Variants in ERCC6 observed in about 807,000 individuals in gnomAD.
ERCC6 encodes ERCC excision repair 6, chromatin remodeling factor, also known as DNA excision repair protein ERCC-6.
Under a neutral mutation model 158.7 loss-of-function variants are expected in ERCC6, and 116 were observed. The observed-to-expected ratio is 0.73, with a 90% CI of 0.63 to 0.85. The LOEUF is 0.85. ERCC6 is among the 40% of genes least tolerant of loss of function. ERCC6 has a pLI of 0.00. For synonymous variants in ERCC6, 678 were observed against 659.3 expected, an observed-to-expected ratio of 1.03 and a Z score of -0.43; for missense variants, 1,698 against 1,799.4, an observed-to-expected ratio of 0.94 and a Z score of 1.02.
At chr10:49,529,606 G>A (rs981441806) in intron 3 of ERCC6, among the ~76,000 whole-genome samples, 10 of 152,220 alleles carry the variant, frequency 6.6e-5, no homozygotes, top group Admixed American at 2.0e-4. Flanking sequence ...AGTGAGAGAA[G>A]ATGGGGTAGT....
At position 49,524,221 on chromosome 10, in the gene ERCC6, C is replaced by G. The variant is rs1385055988; in HGVS notation, c.1209G>C (p.Glu403Asp). ...TCCCGCCCTTGGGCAGAGGCTTCAG[C>G]TCATAGTCAGTACCATCTCCAGACA... ...ADLSGDGTDY[E>D]LKPLPKGGKR... Residue 403 changes from glutamate to aspartate, a missense_variant, in exon 5 of 21, where the codon GAG (glutamate) becomes GAC (aspartate). Glu to Asp is a conservative substitution (Grantham distance 45, BLOSUM62 2). Coordinates refer to ENST00000355832, the MANE Select transcript of ERCC6 (RefSeq NM_000124.4). 6.2e-7 allele frequency: 1 copy of G among 1,614,038 alleles called. No individual in the cohort carries two copies. Among genetic ancestry groups the G allele is most frequent in the Non-Finnish European group, 8.5e-7 (1 of 1,180,034 alleles).
rs188165138 is a variant in ERCC6 at position 49,492,524 on chromosome 10, C to T, written c.1821+593G>A. On this transcript the variant is annotated intron_variant, in intron 8 of 20. Transcript: ENST00000355832. ...AGATGAGAAGAAAAAAGGAAGAATA[C>T]AACGTATCTATGCTACCCACAGGAG... Among the ~76,000 whole-genome samples the T allele has an allele frequency of 9.8e-5, 15 of 152,302 alleles. No individual in the cohort carries two copies. In the East Asian group the frequency reaches 2.9e-3, roughly 29 times the overall value.
chr10:49,516,118 G>A (rs763706028), intron 5 of ERCC6: 1 of 1,614,082 alleles, frequency 6.2e-7, no homozygotes, highest in Non-Finnish European at 8.5e-7. Context: ...CTAAACTGAA[G>A]GACAAGTGAC....
chr10:49,478,290 C>T (rs1477043040), intron 11 of ERCC6, 64 bp downstream of exon 11: 1 of 1,101,256 alleles, frequency 9.1e-7, no homozygotes, highest in African/African-American at 1.5e-5. Flanking sequence ...AGAGGAGAAT[C>T]AGAGTGAAGG....
the ERCC6 span, among the ~76,000 whole-genome samples, chr10:49,435,650 G>A: frequency 2.0e-4 from 30 of 152,270 alleles, no homozygotes; most frequent in East Asian, 3.7e-3. Context: ...AATATAGGAT[G>A]AACCTAAAGC....
At chr10:49,514,081 C>G (rs1836882121) in intron 5 of ERCC6, among the ~76,000 whole-genome samples, 1 of 152,242 alleles carries the variant, frequency 6.6e-6, no homozygotes, top group Admixed American at 6.5e-5. Flanking sequence ...AGAACGAAAG[C>G]AATTGCACAA....
intron 6 of ERCC6, chr10:49,504,269 T>C (rs939954993): frequency 6.6e-6 from 1 of 152,106 alleles, no homozygotes; most frequent in Non-Finnish European, 1.5e-5. Context: ...TTTTATGACA[T>C]AAAATATTTA....
intron 11 of ERCC6, among the ~76,000 whole-genome samples, chr10:49,477,936 C>T (rs1850907510): frequency 6.6e-6 from 1 of 152,208 alleles, no homozygotes; most frequent in Non-Finnish European, 1.5e-5. Context: ...TGTCTCCACA[C>T]TTAATGCTGC....
At chr10:49,451,402 A>T (rs1029656055), downstream of ERCC6, among the ~76,000 whole-genome samples, 2 of 152,176 alleles carry the variant, frequency 1.3e-5, no homozygotes, top group Admixed American at 1.3e-4. Flanking sequence ...TTAAGTATAA[A>T]GAAAGCTGTA....
intron 7 of ERCC6, among the ~76,000 whole-genome samples, chr10:49,497,943 G>A (rs894506186): frequency 6.6e-6 from 1 of 151,982 alleles, no homozygotes; most frequent in African/African-American, 2.4e-5. Flanking sequence ...ATAACATTAG[G>A]AATTACCAAA....
intron 7 of ERCC6, among the ~76,000 whole-genome samples, chr10:49,499,332 C>A (rs554281513): frequency 6.6e-6 from 1 of 152,326 alleles, no homozygotes; most frequent in African/African-American, 2.4e-5. Flanking sequence ...AAGTATTGAT[C>A]TGCTAACTTA....
At chr10:49,459,263 T>C in intron 20 of ERCC6, 29 bp from the exon 21 acceptor site, 1 of 1,610,274 alleles carries the variant, frequency 6.2e-7, no homozygotes, top group Non-Finnish European at 8.5e-7. Flanking sequence ...TATACTGATA[T>C]ATTTAATTTC....
the ERCC6 span, among the ~76,000 whole-genome samples, chr10:49,439,210 G>A: frequency 6.6e-5 from 10 of 152,308 alleles, no homozygotes; most frequent in South Asian, 6.2e-4. Flanking sequence ...TGAGTGCCCC[G>A]CCCCTGCAGC....
Position 49,499,286 on chromosome 10 carries a change from T to C in ERCC6, c.1685+1252A>G, listed in dbSNP as rs1035966130. Among the ~76,000 whole-genome samples, 16 of 152,204 alleles carry C rather than the reference T, an allele frequency of 1.1e-4. 1 individual carries two copies. On this transcript the variant is annotated intron_variant, in intron 7 of 20. Coordinates refer to ENST00000355832, the MANE Select transcript of ERCC6 (RefSeq NM_000124.4). ...ACATCTATATAAATGCAACTGGCGT[T>C]CTAAAATATTCTAAAACTCCAAACA...
chr10:49,450,816 ATTTTT>A (rs57063540), downstream of ERCC6, among the ~76,000 whole-genome samples: 12 of 146,592 alleles, frequency 8.2e-5, no homozygotes, highest in South Asian at 4.3e-4. Flanking sequence ...TAGAAATACG[ATTTTT>A]TTTTTTTTGA....
chr10:49,444,564 C>T, the ERCC6 span, among the ~76,000 whole-genome samples: 2 of 152,244 alleles, frequency 1.3e-5, no homozygotes, highest in East Asian at 3.9e-4. Flanking sequence ...TAGGAGAGAA[C>T]AGTCGATTGT....
intron 10 of ERCC6, among the ~76,000 whole-genome samples, chr10:49,481,599 G>A (rs775975145): frequency 5.3e-5 from 8 of 152,064 alleles, no homozygotes; most frequent in East Asian, 1.9e-4. Flanking sequence ...CACAGAAACC[G>A]TGCCTCCCAC....
chr10:49,461,472 C>T lies in ERCC6; in HGVS notation c.3863G>A (p.Arg1288Gln), dbSNP rs1199305335. 3 of 1,614,016 alleles carry T rather than the reference C, an allele frequency of 1.9e-6. No individual in the cohort carries two copies. The highest frequency in any genetic ancestry group is 2.2e-5 in the East Asian group (1 of 44,894). ...DYVLVEAEAN[R>Q]VAQDALKALR... ...TGCTTTCAGGGCATCCTGGGCCACT[C>T]GGTTGGCTTCTGCCTCCACCAGTAC... Residue 1288 changes from arginine to glutamine, a missense_variant, in exon 19 of 21, where the codon CGA (arginine) becomes CAA (glutamine). Coordinates refer to ENST00000355832, the MANE Select transcript of ERCC6 (RefSeq NM_000124.4).
At chr10:49,514,612 G>T (rs536619242) in intron 5 of ERCC6, among the ~76,000 whole-genome samples, 1 of 152,334 alleles carries the variant, frequency 6.6e-6, no homozygotes, top group South Asian at 2.1e-4. Context: ...GGAAAAAGCT[G>T]TGTATCATAC....
Sources: allele counts gnomAD v4.1 joint callset (sites outside exome capture counted in the v4.1 genomes callset), GRCh38; gene constraint gnomAD v4.1.1; transcripts MANE v1.5; gene names NCBI Gene and HGNC (gene_info 2026-07-23, HGNC 2026-07-21).